The following CDH13 variants were observed in gnomAD, a reference collection of about 807,000 sequenced individuals.
CDH13 encodes the protein cadherin-13.
Under a neutral mutation model 63.8 loss-of-function variants are expected in CDH13, and 24 were observed. The ratio of observed to expected loss-of-function variants is 0.38; its 90% CI spans 0.27 to 0.53. The LOEUF (loss-of-function observed/expected upper bound fraction) is 0.53. CDH13 is among the 20% of genes least tolerant of loss of function. The probability of loss-of-function intolerance (pLI) is 0.85; values close to 1 mark genes in which losing one functional copy is unlikely to be tolerated. For missense variants in CDH13, 1,049 were observed against 903.1 expected, an observed-to-expected ratio of 1.16 and a Z score of -2.07; for synonymous variants, 503 against 355.3, an observed-to-expected ratio of 1.42 and a Z score of -4.67.
At chr16:83,049,692 C>A (rs1456761261) in intron 3 of CDH13, among the ~76,000 whole-genome samples, 1 of 152,080 alleles carries the variant, frequency 6.6e-6, no homozygotes, top group Non-Finnish European at 1.5e-5. Context: ...TACTTCATTC[C>A]TTTTTAGGGA....
Position 82,918,787 on chromosome 16 carries a change from T to C in CDH13, c.157+60314T>C, listed in dbSNP as rs921579759. ...ACCCCCCGACAAAATGCTGCTATTA[T>C]GGGTGTGAGCCCCTACGCCTGGCCC... On this transcript the variant is annotated intron_variant, in intron 2 of 13. Coordinates refer to ENST00000567109, the MANE Select transcript of CDH13 (RefSeq NM_001257.5). 2.0e-5 allele frequency among the ~76,000 whole-genome samples: 3 copies of C among 152,228 alleles called. No homozygotes were observed. In the South Asian group the frequency reaches 6.2e-4, roughly 32 times the overall value.
intron 7 of CDH13, among the ~76,000 whole-genome samples, chr16:83,564,384 C>T (rs928048050): frequency 3.4e-4 from 49 of 145,078 alleles, no homozygotes; most frequent in Non-Finnish European, 6.1e-4. Context: ...AAAAAGGTGA[C>T]ATATGGGATG....
At chr16:82,831,865 A>G (rs1237620216) in intron 1 of CDH13, among the ~76,000 whole-genome samples, 1 of 152,210 alleles carries the variant, frequency 6.6e-6, no homozygotes, top group Non-Finnish European at 1.5e-5. Context: ...TTTCCAGGAA[A>G]CAACCATATC....
At chr16:82,971,568 A>T (rs920054242) in intron 2 of CDH13, among the ~76,000 whole-genome samples, 8 of 152,206 alleles carry the variant, frequency 5.3e-5, no homozygotes, top group African/African-American at 1.9e-4. Context: ...TCTGGACATC[A>T]TCCAGTTCAC....
At chr16:83,032,926 C>G (rs533869364) in intron 3 of CDH13, among the ~76,000 whole-genome samples, 1 of 152,228 alleles carries the variant, frequency 6.6e-6, no homozygotes, top group African/African-American at 2.4e-5. Flanking sequence ...GTATATGGTG[C>G]TGCATATTGT....
intron 1 of CDH13, among the ~76,000 whole-genome samples, chr16:82,693,781 G>A (rs1190984428): frequency 6.6e-6 from 1 of 152,184 alleles, no homozygotes; most frequent in East Asian, 1.9e-4. Flanking sequence ...AGTAGAGCAA[G>A]GTATTTATTT....
At chr16:83,319,801 C>T (rs1273369258) in intron 5 of CDH13, among the ~76,000 whole-genome samples, 1 of 152,148 alleles carries the variant, frequency 6.6e-6, no homozygotes, top group African/African-American at 2.4e-5. Context: ...CTTGAATGGG[C>T]TCTAAGTGAA....
In CDH13 at chr16:83,269,970, T is replaced by C. The variant is rs1041774439; in HGVS notation, c.636+52473T>C. Among the ~76,000 whole-genome samples the C allele has an allele frequency of 3.9e-5, 6 of 152,352 alleles. No homozygotes were observed. The South Asian group carries it at 1.2e-3, about 32-fold the overall frequency. ...TGAGTCTTTTGAAATGGTTCTATTA[T>C]TTTGAATGTAAGAAAATAATGTACT... On this transcript the variant is annotated intron_variant, in intron 5 of 13. Coordinates refer to ENST00000567109, the MANE Select transcript of CDH13 (RefSeq NM_001257.5).
intron 6 of CDH13, among the ~76,000 whole-genome samples, chr16:83,367,080 A>G (rs2091271817): frequency 6.6e-6 from 1 of 152,176 alleles, no homozygotes; most frequent in Non-Finnish European, 1.5e-5. Flanking sequence ...AGAACATTTA[A>G]TGACTCCCAA....
intron 10 of CDH13, among the ~76,000 whole-genome samples, chr16:83,714,197 G>A (rs1249967648): frequency 6.6e-6 from 1 of 152,172 alleles, no homozygotes; most frequent in Admixed American, 6.5e-5. Context: ...GATAGTAAAT[G>A]GCACTTTAGA....
chr16:83,618,623 T>C (rs1567808762), intron 8 of CDH13, among the ~76,000 whole-genome samples: 1 of 152,084 alleles, frequency 6.6e-6, no homozygotes, highest in Non-Finnish European at 1.5e-5. Context: ...AGATTTATCA[T>C]TGCACTGTAG....
intron 1 of CDH13, among the ~76,000 whole-genome samples, chr16:82,638,823 T>TGTGTGTGTGTGTGTGTGCGCGCACGC (rs139451683): frequency 6.6e-6 from 1 of 150,790 alleles, no homozygotes; most frequent in African/African-American, 2.4e-5. Flanking sequence ...GGGCAGTGTG[T>TGTGTGTGTGTGTGTGTGCGCGCACGC]GCGTGTGTGC....
chr16:83,232,545 C>CAAAAAAA (rs371820662), intron 5 of CDH13, among the ~76,000 whole-genome samples: 8 of 107,952 alleles, frequency 7.4e-5, no homozygotes, highest in East Asian at 2.1e-4. Flanking sequence ...ACAACAACAA[C>CAAAAAAA]AAACAAACAA....
chr16:83,447,950 T>C (rs551858599), intron 6 of CDH13, among the ~76,000 whole-genome samples: 3 of 152,018 alleles, frequency 2.0e-5, no homozygotes, highest in Non-Finnish European at 4.4e-5. Context: ...CAGTCTCCTC[T>C]GTTACAGGGA....
At chr16:83,179,521 G>A (rs751181547) in intron 4 of CDH13, among the ~76,000 whole-genome samples, 45 of 141,476 alleles carry the variant, frequency 3.2e-4, no homozygotes, top group Non-Finnish European at 4.7e-4. Context: ...GCGTGGTGGC[G>A]GGCACCTGTA....
chr16:83,460,939 C>T (rs2073160722), intron 6 of CDH13, among the ~76,000 whole-genome samples: 1 of 151,312 alleles, frequency 6.6e-6, no homozygotes, highest in Non-Finnish European at 1.5e-5. Flanking sequence ...GTGATCACTC[C>T]ACTGCACTCC....
intron 2 of CDH13, among the ~76,000 whole-genome samples, chr16:83,007,515 G>T (rs569085749): frequency 3.3e-5 from 5 of 152,032 alleles, no homozygotes; most frequent in Non-Finnish European, 7.4e-5. Flanking sequence ...TTCCCTAAGG[G>T]CTAAAAAATA....
chr16:83,278,535 G>A (rs1016886992), intron 5 of CDH13, among the ~76,000 whole-genome samples: 8 of 152,246 alleles, frequency 5.3e-5, no homozygotes, highest in South Asian at 2.1e-4. Context: ...CTATCAACCC[G>A]GCATCACTAA....
intron 6 of CDH13, among the ~76,000 whole-genome samples, chr16:83,446,114 C>T (rs1245871362): frequency 1.3e-5 from 2 of 151,860 alleles, no homozygotes; most frequent in Non-Finnish European, 2.9e-5. Context: ...ACCAGCATGG[C>T]CAACGTGGTG....
Sources: allele counts gnomAD v4.1 joint callset (sites outside exome capture counted in the v4.1 genomes callset), GRCh38; gene constraint gnomAD v4.1.1; transcripts MANE v1.5; gene names NCBI Gene and HGNC (gene_info 2026-07-23, HGNC 2026-07-21).